The following MGAT4C variants were observed in gnomAD, a reference collection of about 807,000 sequenced individuals.
The protein encoded by MGAT4C is alpha-1,3-mannosyl-glycoprotein 4-beta-N-acetylglucosaminyltransferase C.
Under a neutral mutation model 40.1 loss-of-function variants are expected in MGAT4C, and 19 were observed. That is an observed-to-expected ratio of 0.47 (90% CI 0.33 to 0.70). MGAT4C has a LOEUF of 0.70. MGAT4C is among the 30% of genes least tolerant of loss of function. The pLI, the probability that MGAT4C is intolerant of heterozygous loss-of-function variation, is 0.02. For missense variants in MGAT4C, 491 were observed against 563.2 expected (o/e 0.87, Z 1.30); for synonymous variants, 181 against 187.1 (o/e 0.97, Z 0.27).
intron 3 of MGAT4C, among the ~76,000 whole-genome samples, chr12:86,337,515 A>C (rs1954814790): frequency 6.7e-6 from 1 of 149,582 alleles, no homozygotes; most frequent in Admixed American, 6.7e-5. Context: ...CCCAGGAGGC[A>C]GTGGAGATGG....
intron 2 of MGAT4C, among the ~76,000 whole-genome samples, chr12:86,494,424 T>C (rs1394574619): frequency 6.6e-6 from 1 of 151,916 alleles, no homozygotes; most frequent in Non-Finnish European, 1.5e-5. Flanking sequence ...GCCCCATGTC[T>C]TTCTCTCTCT....
intron 1 of MGAT4C, among the ~76,000 whole-genome samples, chr12:86,135,045 C>G (rs1464619585): frequency 1.3e-5 from 2 of 152,034 alleles, no homozygotes; most frequent in South Asian, 4.1e-4. Context: ...AGAAAGTAAG[C>G]GTCTTATGAA....
intron 2 of MGAT4C, among the ~76,000 whole-genome samples, chr12:86,653,232 T>C (rs1963745009): frequency 6.6e-6 from 1 of 151,860 alleles, no homozygotes; most frequent in South Asian, 2.1e-4. Flanking sequence ...TTCTCTCACA[T>C]ACAATTTTCC....
chr12:86,402,147 T>C (rs1956375883), intron 3 of MGAT4C, among the ~76,000 whole-genome samples: 2 of 151,918 alleles, frequency 1.3e-5, no homozygotes, highest in Admixed American at 1.3e-4. Context: ...TAATACTCTT[T>C]TCAGTTGAAA....
rs540325517 is a variant in MGAT4C, at chr12:86,115,091, G to A, written c.-56-65368C>T. On this transcript the variant is annotated intron_variant, in intron 1 of 4. Transcript: ENST00000611864. ...ATCTCAAAGATGTGGGTAACAGCTG[G>A]CATTTCGGTACCATTTCTTTGGGTA... is the stretch of plus-strand genomic sequence containing the variant. 5.3e-5 allele frequency among the ~76,000 whole-genome samples: 8 copies of A among 152,066 alleles called. No homozygotes were observed. In the South Asian group the frequency reaches 1.7e-3, roughly 32 times the overall value.
intron 2 of MGAT4C, among the ~76,000 whole-genome samples, chr12:86,581,964 A>G (rs1276701733): frequency 6.6e-6 from 1 of 151,484 alleles, no homozygotes; most frequent in Non-Finnish European, 1.5e-5. Context: ...GCAAAGATAC[A>G]GTCCGTGTCT....
intron 1 of MGAT4C, among the ~76,000 whole-genome samples, chr12:86,797,254 A>G (rs1369883621): frequency 1.3e-5 from 2 of 151,838 alleles, no homozygotes; most frequent in African/African-American, 4.8e-5. Context: ...GCGCCTTCCC[A>G]TTATAAAAAA....
chr12:86,272,778 G>A (rs1566249287), intron 4 of MGAT4C, among the ~76,000 whole-genome samples: 1 of 152,046 alleles, frequency 6.6e-6, no homozygotes. Context: ...CATTGAGCCT[G>A]GGAGGTCGAA....
At chr12:86,709,578 A>ATATG (rs61331297) in intron 2 of MGAT4C, among the ~76,000 whole-genome samples, 5,312 of 151,906 alleles carry the variant, frequency 0.035, 153 homozygotes, top group African/African-American at 0.084. Flanking sequence ...TTTATTTTAC[A>ATATG]TATGTATGTA....
intron 3 of MGAT4C, among the ~76,000 whole-genome samples, chr12:86,340,115 C>A (rs1254372855): frequency 6.6e-6 from 1 of 152,122 alleles, no homozygotes; most frequent in Non-Finnish European, 1.5e-5. Context: ...TCCAGATTAG[C>A]TTTTATAAAT....
chr12:86,731,044 G>A (rs1286824327), intron 1 of MGAT4C, among the ~76,000 whole-genome samples: 4 of 152,120 alleles, frequency 2.6e-5, no homozygotes, highest in Admixed American at 6.6e-5. Flanking sequence ...AGTGAAGTAA[G>A]ATTATCTGAT....
At chr12:86,207,465 T>C (rs980481849) in intron 1 of MGAT4C, among the ~76,000 whole-genome samples, 5 of 151,900 alleles carry the variant, frequency 3.3e-5, no homozygotes, top group African/African-American at 4.8e-5. Flanking sequence ...CGACAGGCCT[T>C]GTGTGTGATG....
intron 1 of MGAT4C, among the ~76,000 whole-genome samples, chr12:86,827,367 T>C (rs1158792462): frequency 2.0e-5 from 3 of 151,522 alleles, no homozygotes; most frequent in Non-Finnish European, 4.4e-5. Context: ...AAGTAGACAC[T>C]ATTTTTTCTT....
intron 3 of MGAT4C, among the ~76,000 whole-genome samples, chr12:86,425,144 C>G (rs1001587856): frequency 6.6e-6 from 1 of 152,120 alleles, no homozygotes; most frequent in Non-Finnish European, 1.5e-5. Context: ...GAGTTCAAGC[C>G]TAGGCAGCAA....
At chr12:86,804,029 A>G (rs1952290650) in intron 1 of MGAT4C, among the ~76,000 whole-genome samples, 1 of 136,938 alleles carries the variant, frequency 7.3e-6, no homozygotes, top group Non-Finnish European at 1.6e-5. Flanking sequence ...ATGTCCAACA[A>G]TGATAGACTG....
chr12:86,213,700 T>C (rs760090391), intron 1 of MGAT4C, among the ~76,000 whole-genome samples: 1 of 152,204 alleles, frequency 6.6e-6, no homozygotes, highest in Non-Finnish European at 1.5e-5. Flanking sequence ...AATATTTACA[T>C]ATTCTATACA....
chr12:86,597,903 T>C (rs1961602998), intron 2 of MGAT4C, among the ~76,000 whole-genome samples: 1 of 152,150 alleles, frequency 6.6e-6, no homozygotes, highest in South Asian at 2.1e-4. Context: ...CCCTGCCATC[T>C]CATTGTAATG....
At chr12:86,001,756 G>T in intron 2 of MGAT4C, 1 of 420,440 alleles carries the variant, frequency 2.4e-6, no homozygotes, top group Non-Finnish European at 3.2e-6. Context: ...TTTACTTCTT[G>T]AATCCCTGAG....
At chr12:86,800,992 C>A (rs985158366) in intron 1 of MGAT4C, among the ~76,000 whole-genome samples, 3 of 151,932 alleles carry the variant, frequency 2.0e-5, no homozygotes, top group African/African-American at 7.2e-5. Context: ...TCTTATCACT[C>A]TGGCCTGCCT....
Sources: gnomAD v4.1 joint callset for allele counts (sites outside exome capture counted in the v4.1 genomes callset) on GRCh38, gnomAD v4.1.1 for gene constraint, MANE v1.5 for transcripts, NCBI Gene and HGNC (gene_info 2026-07-23, HGNC 2026-07-21) for gene names.